Variants in NIN observed in about 807,000 individuals in gnomAD.
NIN encodes glycogen synthase kinase 3 beta-interacting protein.
Under a neutral mutation model 257.6 loss-of-function variants are expected in NIN, and 137 were observed. The observed-to-expected ratio is 0.53, with a 90% CI of 0.46 to 0.61. The LOEUF (loss-of-function observed/expected upper bound fraction) is 0.61, where lower values mean the gene tolerates loss of function less well. NIN is among the 20% of genes least tolerant of loss of function. The pLI is 0.00. For missense variants in NIN, 2,439 were observed against 2,501.2 expected (o/e 0.98, Z 0.53); for synonymous variants, 918 against 919.8 (o/e 1.00, Z 0.04).
intron 28 of NIN, among the ~76,000 whole-genome samples, chr14:50,731,790 C>T (rs959837766): frequency 1.3e-5 from 2 of 152,166 alleles, no homozygotes; most frequent in Admixed American, 1.3e-4. Flanking sequence ...CGCGCCACTG[C>T]ATTCCCACTT....
chr14:50,811,832 A>C (rs12896820), intron 3 of NIN, among the ~76,000 whole-genome samples: 44,390 of 151,746 alleles, frequency 0.29, 7,120 homozygotes, highest in African/African-American at 0.42. Context: ...GTCTCTATTA[A>C]AAATACAAAA....
intron 27 of NIN, among the ~76,000 whole-genome samples, chr14:50,737,406 G>A (rs536649393): frequency 2.7e-5 from 4 of 146,948 alleles, no homozygotes; most frequent in African/African-American, 7.6e-5. Context: ...ATCCTCATGA[G>A]AGCCCTGAGT....
intron 4 of NIN, 117 bp from the exon 5 acceptor site, chr14:50,792,998 T>G (rs2043667519): frequency 9.7e-7 from 1 of 1,028,080 alleles, no homozygotes; most frequent in Non-Finnish European, 1.4e-6. Flanking sequence ...CACCACTGTT[T>G]GCCAATTGTG....
chr14:50,770,502 C>T lies in NIN; in HGVS notation c.1320G>A (p.Glu440=). The part of the protein sequence containing the change: ...IAALKNELRK[E]REQILQQAGK... The stretch of plus-strand genomic sequence containing the variant: ...CTGCCTGCTGCAGGATCTGCTCTCT[C>T]TCTTTTCGGAGTTCATTTTTTAAGG... The change falls in exon 12 of 31, where the codon GAG becomes GAA. Residue 440 remains glutamate (E), a synonymous_variant. Transcript: ENST00000530997. 1 of 1,614,240 alleles carries T rather than the reference C, an allele frequency of 6.2e-7. No individual in the cohort carries two copies. The highest frequency in any genetic ancestry group is 8.5e-7 in the Non-Finnish European group (1 of 1,180,038).
In NIN at chr14:50,756,879, A is replaced by G. The variant is rs2042049306; in HGVS notation, c.4151T>C (p.Ile1384Thr). 3.2e-6 allele frequency: 5 copies of G among 1,553,222 alleles called. No homozygotes were observed. The highest frequency in any genetic ancestry group is 4.4e-6 in the Non-Finnish European group (5 of 1,147,508). ...VPRVRSVHHV[I>T]EECKQENQYL... The stretch of plus-strand genomic sequence containing the variant: ...CTGGTTTTCTTGCTTACATTCCTCT[A>G]TGACATGATGTACACTCCTAACCCT... Residue 1384 changes from isoleucine to threonine, a missense_variant, in exon 18 of 31, where the codon ATA becomes ACA. This residue lies in a region of NIN where 2,043 missense variants were observed against 2,050.2 expected (regional missense o/e 1.00). Coordinates refer to ENST00000530997, the MANE Select transcript of NIN (RefSeq NM_020921.4).
intron 29 of NIN, 73 bp from the exon 30 acceptor site, chr14:50,726,139 T>C (rs1312070955): frequency 5.1e-6 from 6 of 1,186,224 alleles, no homozygotes; most frequent in East Asian, 4.7e-5. Flanking sequence ...CCCCACAAGA[T>C]GCCTAGAGAA....
chr14:50,786,064 A>AC (rs1267669940), intron 5 of NIN, among the ~76,000 whole-genome samples: 14 of 152,242 alleles, frequency 9.2e-5, no homozygotes, highest in Non-Finnish European at 1.5e-4. Context: ...GAGACCTGCT[A>AC]CACTGAAGGC....
chr14:50,735,751 C>G, intron 27 of NIN, 134 bp from the exon 28 acceptor site: 1 of 1,143,752 alleles, frequency 8.7e-7, no homozygotes, highest in African/African-American at 1.6e-5. Context: ...CAGTGACAAA[C>G]AAATAATACA....
chr14:50,747,146 C>T (rs1273799705), intron 22 of NIN, among the ~76,000 whole-genome samples: 5 of 152,192 alleles, frequency 3.3e-5, no homozygotes, highest in Non-Finnish European at 7.4e-5. Flanking sequence ...TGAGCCACTG[C>T]GCCTGGCCTA....
chr14:50,758,160 T>G lies in NIN; in HGVS notation c.2870A>C (p.Gln957Pro). The G allele has an allele frequency of 1.2e-6, 2 of 1,614,238 alleles. No homozygotes were observed. The highest frequency in any genetic ancestry group is 1.7e-6 in the Non-Finnish European group (2 of 1,180,026). ...GGCCAGCTGCTCCGAAGCCCCTGCC[T>G]GGCACAGGACCTCCTCACGCTCCCT... ...ELREREEVLC[Q>P]AGASEQLASQ... is the part of the protein sequence containing the mutation. The change falls in exon 18 of 31, where the codon CAG becomes CCG. Residue 957 changes from glutamine to proline, a missense_variant. Physicochemically the swap from Gln to Pro is moderately conservative, Grantham distance 76 (BLOSUM62 -1). Coordinates refer to ENST00000530997, the MANE Select transcript of NIN (RefSeq NM_020921.4).
At chr14:50,822,454 A>G (rs1323563627) in intron 2 of NIN, among the ~76,000 whole-genome samples, 1 of 152,228 alleles carries the variant, frequency 6.6e-6, no homozygotes, top group African/African-American at 2.4e-5. Context: ...CAGGATTTTA[A>G]GAAGGTGAAA....
At chr14:50,743,341 C>CT (rs2041380170) in intron 24 of NIN, 75 bp downstream of exon 24, 1 of 983,372 alleles carries the variant, frequency 1.0e-6, no homozygotes, top group South Asian at 1.3e-5. Context: ...CTGGAACACT[C>CT]TTTTTACCGG....
chr14:50,728,386 A>T (rs964535572), intron 29 of NIN, among the ~76,000 whole-genome samples: 6 of 152,238 alleles, frequency 3.9e-5, no homozygotes, highest in African/African-American at 1.4e-4. Flanking sequence ...AAAACCTTCT[A>T]AAGTTTATTA....
Position 50,722,056 on chromosome 14 carries a change from C to T in NIN, c.*1407G>A, listed in dbSNP as rs1223221866. ...CAAAGCGAACTTTTCGGATTATTGT[C>T]TCATGAAAACAAGCAGGTTGTTGTG... On this transcript the variant is annotated 3_prime_UTR_variant, in exon 31 of 31. Transcript: ENST00000530997. 1 of 228,834 alleles carries T rather than the reference C, an allele frequency of 4.4e-6. No individual in the cohort carries two copies. Among genetic ancestry groups the T allele is most frequent in the East Asian group, 6.2e-5 (1 of 16,162 alleles). 14.2% of individuals were successfully genotyped at this position (228,834 alleles called of 1,614,324 possible). A position where few individuals can be genotyped will look rare whatever the true frequency, so the allele number is the denominator to read the frequency against.
chr14:50,733,098 ATT>A (rs58161755), intron 28 of NIN, among the ~76,000 whole-genome samples: 31 of 147,372 alleles, frequency 2.1e-4, no homozygotes, highest in African/African-American at 2.7e-4. Flanking sequence ...AGCATTAATA[ATT>A]TTTTTTTTTT....
At chr14:50,812,656 T>C (rs372956597) in intron 3 of NIN, among the ~76,000 whole-genome samples, 1 of 152,194 alleles carries the variant, frequency 6.6e-6, no homozygotes, top group Non-Finnish European at 1.5e-5. Context: ...TAAACAAGCA[T>C]GTCCTACTTG....
intron 12 of NIN, among the ~76,000 whole-genome samples, chr14:50,769,722 G>A (rs558703273): frequency 1.3e-5 from 2 of 152,054 alleles, no homozygotes; most frequent in Non-Finnish European, 2.9e-5. Flanking sequence ...GGCTGGTCTC[G>A]AATTCCTGAC....
At chr14:50,742,737 C>T (rs1462022060) in intron 24 of NIN, among the ~76,000 whole-genome samples, 2 of 151,940 alleles carry the variant, frequency 1.3e-5, no homozygotes, top group African/African-American at 4.8e-5. Flanking sequence ...ACGCTAATAC[C>T]GCATATAAAT....
intron 3 of NIN, among the ~76,000 whole-genome samples, chr14:50,816,677 G>T (rs2044913674): frequency 6.6e-6 from 1 of 152,112 alleles, no homozygotes; most frequent in Admixed American, 6.5e-5. Flanking sequence ...AGACACTGAA[G>T]AACTTTAAGT....
Sources: allele counts gnomAD v4.1 joint callset (sites outside exome capture counted in the v4.1 genomes callset), GRCh38; gene constraint gnomAD v4.1.1; regional missense constraint gnomAD v4.1.1; transcripts MANE v1.5; gene names NCBI Gene and HGNC (gene_info 2026-07-23, HGNC 2026-07-21).